GNA12: variants seen among roughly 807,000 people sequenced by gnomAD.
GNA12 encodes G protein subunit alpha 12.
Under a neutral mutation model 26.0 loss-of-function variants are expected in GNA12, and 9 were observed. The ratio of observed to expected loss-of-function variants is 0.35; its 90% confidence interval spans 0.21 to 0.60. The LOEUF (loss-of-function observed/expected upper bound fraction) is 0.60. GNA12 is among the 20% of genes least tolerant of loss of function. The pLI is 0.78. For missense variants in GNA12, 405 were observed against 525.8 expected, an observed-to-expected ratio of 0.77 and a Z score of 2.25; for synonymous variants, 264 against 219.6, an observed-to-expected ratio of 1.20 and a Z score of -1.79.
At chr7:2,799,460 T>TC (rs1274421922) in intron 1 of GNA12, among the ~76,000 whole-genome samples, 1 of 152,108 alleles carries the variant, frequency 6.6e-6, no homozygotes, top group African/African-American at 2.4e-5. Context: ...CACACGCTGA[T>TC]AGTTCCAGCT....
chr7:2,744,156 A>G (rs1790649041), intron 2 of GNA12, among the ~76,000 whole-genome samples: 2 of 152,238 alleles, frequency 1.3e-5, no homozygotes, highest in Non-Finnish European at 2.9e-5. Context: ...CCCGTCTGAC[A>G]GCTTTGAAGA....
intron 1 of GNA12, among the ~76,000 whole-genome samples, chr7:2,827,687 G>A (rs1243487483): frequency 6.6e-6 from 1 of 152,122 alleles, no homozygotes; most frequent in Non-Finnish European, 1.5e-5. Context: ...GCAGATGGCA[G>A]GACCAATGTC....
intron 1 of GNA12, among the ~76,000 whole-genome samples, chr7:2,795,769 T>C (rs1205520448): frequency 6.6e-6 from 1 of 151,664 alleles, no homozygotes; most frequent in Non-Finnish European, 1.5e-5. Flanking sequence ...GTGGCAACAA[T>C]TTCAGAAAAT....
intron 1 of GNA12, among the ~76,000 whole-genome samples, chr7:2,809,246 G>A (rs1409098593): frequency 6.6e-6 from 1 of 152,104 alleles, no homozygotes; most frequent in Admixed American, 6.5e-5. Flanking sequence ...ACAGAGCAGA[G>A]GCTCTACCTG....
At chr7:2,766,203 G>A (rs1394317494) in intron 2 of GNA12, among the ~76,000 whole-genome samples, 1 of 152,074 alleles carries the variant, frequency 6.6e-6, no homozygotes, top group African/African-American at 2.4e-5. Context: ...TATCACATAA[G>A]CAGAATCATA....
intron 1 of GNA12, chr7:2,835,899 T>C: frequency 1.8e-6 from 1 of 549,812 alleles, no homozygotes; most frequent in African/African-American, 1.9e-5. Context: ...CAAATAAAAA[T>C]TTGCAAGAAG....
At chr7:2,825,932 A>G (rs1236322826) in intron 1 of GNA12, among the ~76,000 whole-genome samples, 1 of 152,092 alleles carries the variant, frequency 6.6e-6, no homozygotes, top group African/African-American at 2.4e-5. Flanking sequence ...CTGCTAATTA[A>G]AATACTGAGA....
Position 2,729,488 on chromosome 7 carries a change from G to C in GNA12, c.*1693C>G, listed in dbSNP as rs1789776115. On this transcript the variant is annotated 3_prime_UTR_variant, in exon 4 of 4. Coordinates refer to ENST00000275364, the MANE Select transcript of GNA12 (RefSeq NM_007353.3). ...CCAGCAAACACTGACACACAGCCTC[G>C]AGCACTGCGAGAGAGAGTTCCATGC... 6.6e-6 allele frequency: 1 copy of C among 152,366 alleles called. No homozygotes were observed. Among genetic ancestry groups the C allele is most frequent in the Admixed American group, 6.5e-5 (1 of 15,282 alleles). 9.4% of individuals were successfully genotyped at this position (152,366 alleles called of 1,614,324 possible).
chr7:2,731,697 T>A lies in GNA12; in HGVS notation c.630A>T (p.Gly210=), dbSNP rs762286637. The A allele has an allele frequency of 6.3e-7, 1 of 1,594,312 alleles. No homozygotes were observed. Among genetic ancestry groups the A allele is most frequent in the African/African-American group, 1.3e-5 (1 of 74,322 alleles). Residue 210 remains glycine, a synonymous_variant, in exon 4 of 4, where the codon GGA becomes GGT. Transcript: ENST00000275364. The surrounding 1 kb of genome is among the most constrained non-coding windows in gnomAD (Gnocchi z 6.0). Reference sequence around the variant, plus strand: ...TAATAACGAAGTCATGCTCCACAATTCCCTTGGTGGCTTTCCTAGCCAGCA... The same window carrying A: ...TAATAACGAAGTCATGCTCCACAATACCCTTGGTGGCTTTCCTAGCCAGCA... The part of the protein sequence containing the change: ...DILLARKATK[G]IVEHDFVIKK...
At chr7:2,786,856 G>T (rs1386734789) in intron 2 of GNA12, among the ~76,000 whole-genome samples, 1 of 152,168 alleles carries the variant, frequency 6.6e-6, no homozygotes, top group African/African-American at 2.4e-5. Flanking sequence ...GAGACCTGAA[G>T]GAACGATGGG....
chr7:2,843,751 C>T (rs1259986098), intron 1 of GNA12, 102 bp downstream of exon 1: 17 of 527,838 alleles, frequency 3.2e-5, no homozygotes, highest in Non-Finnish European at 5.4e-5. Flanking sequence ...ATCCTCGCCC[C>T]AGGGGTCCCC....
intron 1 of GNA12, among the ~76,000 whole-genome samples, chr7:2,816,269 C>T (rs1312329973): frequency 6.9e-6 from 1 of 145,464 alleles, no homozygotes; most frequent in African/African-American, 2.6e-5. Flanking sequence ...TTGATCTCGC[C>T]GCCCAGGCTG....
intron 2 of GNA12, among the ~76,000 whole-genome samples, chr7:2,766,364 A>C (rs1393190160): frequency 6.8e-6 from 1 of 147,040 alleles, no homozygotes; most frequent in Non-Finnish European, 1.5e-5. Flanking sequence ...TCATCCATTG[A>C]TGAACATTTG....
rs1267185998 is a variant in GNA12 at position 2,731,313 on chromosome 7, C to A, written c.1014G>T (p.Lys338Asn). The change falls in exon 4 of 4, where the codon AAG becomes AAT. Residue 338 changes from lysine to asparagine, a missense_variant. Coordinates refer to ENST00000275364, the MANE Select transcript of GNA12 (RefSeq NM_007353.3). This position sits in a 1 kb window ranked among gnomAD's most constrained non-coding sequence, Gnocchi z 6.0. ...QRYLVQCFDR[K>N]RRNRSKPLFH... ...AGAGTGGCTTGCTGCGGTTCCGTCT[C>A]TTCCTGTCGAAGCACTGGACCAGGT... is the stretch of plus-strand genomic sequence containing the variant. 1.9e-6 allele frequency: 3 copies of A among 1,614,004 alleles called. No individual in the cohort carries two copies. In the South Asian group the frequency reaches 3.3e-5, roughly 18 times the overall value.
Position 2,731,485 on chromosome 7 carries a change from A to G in GNA12, c.842T>C (p.Val281Ala). The G allele has an allele frequency of 6.2e-7, 1 of 1,613,520 alleles. No individual in the cohort carries two copies. Among genetic ancestry groups the G allele is most frequent in the Non-Finnish European group, 8.5e-7 (1 of 1,179,768 alleles). Residue 281 changes from valine (V) to alanine (A), a missense_variant, in exon 4 of 4, where the codon GTC becomes GCC. Transcript: ENST00000275364. The surrounding 1 kb of genome is among the most constrained non-coding windows in gnomAD (Gnocchi z 6.0). ...GACGTTGAAGAAGAGCTTGTTGTTG[A>G]CGATGGTCTCGAAGATGTTCATGGA... ...VESMNIFETI[V>A]NNKLFFNVSI... is the part of the protein sequence containing the mutation.
chr7:2,774,260 C>A (rs913872974), intron 2 of GNA12, among the ~76,000 whole-genome samples: 45 of 152,048 alleles, frequency 3.0e-4, no homozygotes, highest in African/African-American at 1.1e-3. Context: ...TATATACACA[C>A]ATGCATGCAT....
intron 3 of GNA12, among the ~76,000 whole-genome samples, chr7:2,732,571 A>C (rs1789953242): frequency 6.6e-6 from 1 of 152,154 alleles, no homozygotes. Flanking sequence ...AAAACAGAAC[A>C]AAAAACCAAC....
intron 2 of GNA12, among the ~76,000 whole-genome samples, chr7:2,779,562 A>G (rs150447833): frequency 6.6e-6 from 1 of 152,164 alleles, no homozygotes; most frequent in East Asian, 1.9e-4. Context: ...AATTGTTCTC[A>G]TGGCCTTTTC....
At chr7:2,825,630 C>CT (rs1285819236) in intron 1 of GNA12, among the ~76,000 whole-genome samples, 1 of 152,138 alleles carries the variant, frequency 6.6e-6, no homozygotes, top group Non-Finnish European at 1.5e-5. Context: ...AGGTATCGAG[C>CT]TGATGGGAGG....
Sources: gnomAD v4.1 joint callset for allele counts (sites outside exome capture counted in the v4.1 genomes callset) on GRCh38, gnomAD v4.1.1 for gene constraint, Gnocchi (gnomAD v3.1) non-coding constraint, MANE v1.5 for transcripts, NCBI Gene and HGNC (gene_info 2026-07-23, HGNC 2026-07-21) for gene names.